The following FBRSL1 variants were observed in gnomAD, a reference collection of about 807,000 sequenced individuals.
FBRSL1 encodes fibrosin like 1.
Under a neutral mutation model 89.6 loss-of-function variants are expected in FBRSL1, and 51 were observed. The observed-to-expected ratio is 0.57, with a 90% CI of 0.45 to 0.72. FBRSL1 has a LOEUF of 0.72. Among genes scored for constraint, FBRSL1 ranks in the 30% least tolerant of loss-of-function variants. FBRSL1 has a pLI of 0.00. For missense variants in FBRSL1, 1,618 were observed against 1,451.8 expected (o/e 1.11, Z -1.86); for synonymous variants, 779 against 681.1 (o/e 1.14, Z -2.24).
chr12:132,554,670 T>G (rs538183724), intron 5 of FBRSL1: 1 of 151,680 alleles, frequency 6.6e-6, no homozygotes, highest in Non-Finnish European at 1.5e-5. Flanking sequence ...AAAAATTAGC[T>G]GGGCGTGGTG....
At chr12:132,515,521 T>C (rs562496873) in intron 2 of FBRSL1, among the ~76,000 whole-genome samples, 96 of 139,220 alleles carry the variant, frequency 6.9e-4, no homozygotes, top group South Asian at 6.2e-3. Context: ...AGGTTTTACC[T>C]TAAGAAACCA....
At chr12:132,512,895 T>C (rs1262032614) in intron 2 of FBRSL1, among the ~76,000 whole-genome samples, 4 of 152,216 alleles carry the variant, frequency 2.6e-5, no homozygotes, top group Non-Finnish European at 4.4e-5. Flanking sequence ...TCTCGAGGCC[T>C]GGCCATGACC....
chr12:132,510,142 G>A (rs2034167602), intron 2 of FBRSL1: 2 of 1,223,734 alleles, frequency 1.6e-6, no homozygotes, highest in South Asian at 4.2e-5. Context: ...CCGCTCATGG[G>A]CCCAGAGCAG....
chr12:132,517,525 C>T (rs74397112), intron 2 of FBRSL1, among the ~76,000 whole-genome samples: 15,638 of 152,268 alleles, frequency 0.1, 977 homozygotes, highest in Middle Eastern at 0.15. Flanking sequence ...GTGCTGCCCT[C>T]GAGAAGTTAA....
intron 5 of FBRSL1, among the ~76,000 whole-genome samples, chr12:132,549,993 C>T (rs950355853): frequency 1.3e-5 from 2 of 152,174 alleles, no homozygotes; most frequent in East Asian, 1.9e-4. Flanking sequence ...TGGGCGGTGT[C>T]GGGGAGGCTG....
chr12:132,582,405 C>G, intron 18 of FBRSL1, 139 bp downstream of exon 18: 3 of 599,888 alleles, frequency 5.0e-6, no homozygotes, highest in Admixed American at 2.5e-5. Context: ...TCCCCCTGTT[C>G]CCCTTCCCCG....
rs575194520 is a variant in FBRSL1, at chr12:132,537,054, G to A, written c.615+9066G>A. On this transcript the variant is annotated intron_variant, in intron 4 of 18. Transcript: ENST00000680143. ...TGGAAGCGGCTGGTGGCCAGCTCTT[G>A]TCACCAGGAACCCCCTTGCTGTGTG... is the stretch of plus-strand genomic sequence containing the variant. Among the ~76,000 whole-genome samples, 5 of 152,308 alleles carry A rather than the reference G, an allele frequency of 3.3e-5. No individual in the cohort carries two copies. In the East Asian group the frequency reaches 9.6e-4, roughly 29 times the overall value.
At chr12:132,502,516 C>A (rs543587649) in intron 1 of FBRSL1, among the ~76,000 whole-genome samples, 1 of 152,280 alleles carries the variant, frequency 6.6e-6, no homozygotes, top group East Asian at 1.9e-4. Context: ...CCAGGCCTGG[C>A]ACGTGACAGT....
intron 5 of FBRSL1, among the ~76,000 whole-genome samples, chr12:132,562,794 C>T (rs2039246668): frequency 1.3e-5 from 2 of 152,144 alleles, no homozygotes; most frequent in South Asian, 4.1e-4. Context: ...CATGGACCTG[C>T]TGCTCTTCTC....
intron 2 of FBRSL1, among the ~76,000 whole-genome samples, chr12:132,513,474 AC>A (rs1277775306): frequency 6.6e-6 from 1 of 151,794 alleles, no homozygotes; most frequent in Non-Finnish European, 1.5e-5. Context: ...GACTACAGAG[AC>A]CCTGTTGCTG....
At chr12:132,580,218 G>T (rs1440610876) in intron 15 of FBRSL1, among the ~76,000 whole-genome samples, 3 of 152,176 alleles carry the variant, frequency 2.0e-5, no homozygotes, top group African/African-American at 7.2e-5. Flanking sequence ...CTCCCAAGTG[G>T]CTGGGACTAC....
Position 132,511,387 on chromosome 12 carries a change from G to A in FBRSL1, c.489+3037G>A, listed in dbSNP as rs1456289292. The A allele has an allele frequency of 4.1e-6, 4 of 985,774 alleles. No individual in the cohort carries two copies. In the South Asian group the frequency reaches 1.4e-4, roughly 35 times the overall value. 61.1% of individuals were successfully genotyped at this position (985,774 alleles called of 1,614,324 possible). ...CCTCACACTACAAGGCTACCCCTGG[G>A]CCCATCCCTGCCCCTTCCACGGCCC... On this transcript the variant is annotated intron_variant, in intron 2 of 18. Coordinates refer to ENST00000680143, the MANE Select transcript of FBRSL1 (RefSeq NM_001367871.1).
chr12:132,490,930 AT>A (rs2030784529), intron 1 of FBRSL1, 69 bp downstream of exon 1: 1 of 1,096,268 alleles, frequency 9.1e-7, no homozygotes, highest in Non-Finnish European at 1.1e-6. Flanking sequence ...GCGTCGGGCG[AT>A]CCCGGGACCC....
intron 2 of FBRSL1, among the ~76,000 whole-genome samples, chr12:132,521,156 G>A (rs1477271930): frequency 1.3e-5 from 2 of 152,220 alleles, no homozygotes; most frequent in African/African-American, 2.4e-5. Context: ...AAAGCTCCCC[G>A]AGGGAGCACT....
intron 15 of FBRSL1, among the ~76,000 whole-genome samples, chr12:132,577,912 T>A (rs2138063507): frequency 6.6e-6 from 1 of 152,104 alleles, no homozygotes; most frequent in African/African-American, 2.4e-5. Context: ...CATACACAGT[T>A]ACACACAGTT....
intron 4 of FBRSL1, among the ~76,000 whole-genome samples, chr12:132,531,952 AC>A (rs1476829766): frequency 1.3e-5 from 2 of 152,200 alleles, no homozygotes; most frequent in East Asian, 3.9e-4. Context: ...CTTCTCAGCC[AC>A]CGTCAGTGCT....
At chr12:132,581,673 C>T (rs1436788624) in intron 16 of FBRSL1, 68 bp from the exon 17 acceptor site, 4 of 1,515,742 alleles carry the variant, frequency 2.6e-6, no homozygotes, top group Non-Finnish European at 3.6e-6. Context: ...ACAGCAGCCC[C>T]CACTGGGCCA....
At chr12:132,574,457 G>A in intron 13 of FBRSL1, 36 bp from the exon 14 acceptor site, 1 of 1,548,554 alleles carries the variant, frequency 6.5e-7, no homozygotes. Flanking sequence ...GGTGGGGGTG[G>A]CACCAGCCCC....
chr12:132,535,655 C>G (rs376633487), intron 4 of FBRSL1, among the ~76,000 whole-genome samples: 1 of 152,264 alleles, frequency 6.6e-6, no homozygotes, highest in Non-Finnish European at 1.5e-5. Flanking sequence ...CCCAAGCACA[C>G]TAGGCCCAGC....
Sources: gnomAD v4.1 joint callset for allele counts (sites outside exome capture counted in the v4.1 genomes callset) on GRCh38, gnomAD v4.1.1 for gene constraint, MANE v1.5 for transcripts, NCBI Gene and HGNC (gene_info 2026-07-23, HGNC 2026-07-21) for gene names.